PHF6: variants seen among roughly 807,000 people sequenced by gnomAD.
PHF6 encodes the protein PHD-like zinc finger protein.
A neutral mutation model predicts 34.0 loss-of-function variants in PHF6; 7 were observed. The ratio of observed to expected loss-of-function variants is 0.21; its 90% CI spans 0.12 to 0.39. The LOEUF (loss-of-function observed/expected upper bound fraction) is 0.39, where lower values mean the gene tolerates loss of function less well. PHF6 is among the 10% of genes least tolerant of loss of function. The pLI is 1.00. For missense variants in PHF6, 128 were observed against 262.8 expected (o/e 0.49, Z 3.55); for synonymous variants, 89 against 88.4 (o/e 1.01, Z -0.04).
intron 3 of PHF6, among the ~76,000 whole-genome samples, chrX:134,392,852 T>A (rs2077360987): frequency 9.1e-6 from 1 of 109,352 alleles, no homozygotes; most frequent in Non-Finnish European, 1.9e-5. Context: ...CAGGCTGGAG[T>A]GCAGTGGCAC....
chrX:134,422,160 C>G (rs6634983), intron 9 of PHF6, among the ~76,000 whole-genome samples: 13,338 of 110,292 alleles, frequency 0.12, 697 homozygotes, highest in East Asian at 0.21. Flanking sequence ...TGGGCTCAAG[C>G]GATCCACCCG....
chrX:134,388,114 A>G (rs2077339259), intron 3 of PHF6, among the ~76,000 whole-genome samples: 1 of 111,899 alleles, frequency 8.9e-6, no homozygotes, highest in Admixed American at 9.5e-5. Flanking sequence ...AAAAACTAAA[A>G]CAGCAGTTAA....
At chrX:134,390,197 G>A (rs1233759966) in intron 3 of PHF6, among the ~76,000 whole-genome samples, 1 of 111,593 alleles carries the variant, frequency 9.0e-6, no homozygotes, top group Non-Finnish European at 1.9e-5. Flanking sequence ...ATTGTATTTT[G>A]GCTTTATTAT....
At position 134,393,966 on chromosome X, in the gene PHF6, C is replaced by G. The variant is rs759297948; in HGVS notation, c.418+14C>G. On this transcript the variant is annotated intron_variant, in intron 5 of 10. Transcript: ENST00000370803. ...ATAACTCCGAAGGTACATCATTTAG[C>G]CACGTTTCAGCCACTTTTCAGTTTC... 7 of 1,206,194 alleles carry G rather than the reference C, an allele frequency of 5.8e-6. No individual in the cohort carries two copies. The South Asian group carries it at 1.2e-4, about 21-fold the overall frequency.
intron 8 of PHF6, 133 bp downstream of exon 8, chrX:134,415,253 C>T: frequency 9.3e-7 from 1 of 1,073,170 alleles, no homozygotes; most frequent in Non-Finnish European, 1.3e-6. Flanking sequence ...ATATATTTGA[C>T]TTATTTGTAA....
chrX:134,421,616 T>G (rs776385491), intron 9 of PHF6, among the ~76,000 whole-genome samples: 1 of 111,214 alleles, frequency 9.0e-6, no homozygotes, highest in East Asian at 2.8e-4. Flanking sequence ...ATTTTCATTT[T>G]GGAAGAAAAA....
chrX:134,393,473 A>G (rs2077363543), intron 3 of PHF6, 28 bp from the exon 4 acceptor site: 1 of 1,204,138 alleles, frequency 8.3e-7, no homozygotes, highest in African/African-American at 1.7e-5. Flanking sequence ...TCACATACTA[A>G]TAATATTATT....
chrX:134,405,242 G>A (rs769530342), intron 5 of PHF6, among the ~76,000 whole-genome samples: 2 of 111,277 alleles, frequency 1.8e-5, no homozygotes, highest in African/African-American at 3.3e-5. Flanking sequence ...TCATTCTGTC[G>A]CCCAGACTGG....
At chrX:134,412,639 A>G (rs1057243112) in intron 5 of PHF6, among the ~76,000 whole-genome samples, 1 of 111,803 alleles carries the variant, frequency 8.9e-6, no homozygotes, top group African/African-American at 3.2e-5. Flanking sequence ...TTAATACATT[A>G]TCTTATACAG....
intron 5 of PHF6, among the ~76,000 whole-genome samples, chrX:134,405,285 C>T: frequency 9.0e-6 from 1 of 111,296 alleles, no homozygotes; most frequent in Non-Finnish European, 1.9e-5. Context: ...TCACTGCAGC[C>T]TCCACCTCCC....
chrX:134,380,406 T>A (rs751549742), intron 3 of PHF6, among the ~76,000 whole-genome samples: 1 of 111,476 alleles, frequency 9.0e-6, no homozygotes, highest in Non-Finnish European at 1.9e-5. Flanking sequence ...AGTTCTGGGA[T>A]TACAGGTGTG....
intron 5 of PHF6, among the ~76,000 whole-genome samples, chrX:134,402,899 ACAT>A (rs1296343597): frequency 8.9e-6 from 1 of 111,802 alleles, no homozygotes. Context: ...TTGTTTAGGG[ACAT>A]CATGAACCGT....
chrX:134,413,421 C>T (rs1362717255), intron 5 of PHF6, 70 bp from the exon 6 acceptor site: 1 of 1,071,774 alleles, frequency 9.3e-7, no homozygotes, highest in African/African-American at 1.8e-5. Context: ...AAACATATGT[C>T]CTAAAGACCC....
chrX:134,378,198 T>C (rs1192737621), intron 3 of PHF6, 92 bp downstream of exon 3: 5 of 532,750 alleles, frequency 9.4e-6, no homozygotes, highest in Non-Finnish European at 1.5e-5. Context: ...CATTATTAAC[T>C]GAGTATAATT....
intron 9 of PHF6, chrX:134,418,815 A>G (rs1301814598): frequency 9.1e-6 from 1 of 109,703 alleles, no homozygotes. Flanking sequence ...AAAGAAAAAC[A>G]AACAAACTGT....
intron 1 of PHF6, among the ~76,000 whole-genome samples, chrX:134,374,576 C>T (rs1032351150): frequency 5.8e-4 from 65 of 112,257 alleles, no homozygotes; most frequent in African/African-American, 2.1e-3. Flanking sequence ...ATGTTTTAAT[C>T]TTCCGGAACT....
chrX:134,408,750 G>A (rs948493145), intron 5 of PHF6, among the ~76,000 whole-genome samples: 1 of 111,767 alleles, frequency 8.9e-6, no homozygotes, highest in Non-Finnish European at 1.9e-5. Flanking sequence ...TTTCACTCTT[G>A]TCACCAGGTT....
At chrX:134,412,178 C>T (rs1184730613) in intron 5 of PHF6, among the ~76,000 whole-genome samples, 2 of 112,486 alleles carry the variant, frequency 1.8e-5, no homozygotes, top group African/African-American at 3.2e-5. Context: ...TCTGTGTCTT[C>T]ACAGGAAGTT....
At chrX:134,374,478 T>C (rs1168793090) in intron 1 of PHF6, among the ~76,000 whole-genome samples, 2 of 112,690 alleles carry the variant, frequency 1.8e-5, no homozygotes. Flanking sequence ...CTGTCCACTG[T>C]AACTTTCCTG....
Sources: gnomAD v4.1 joint callset for allele counts (sites outside exome capture counted in the v4.1 genomes callset) on GRCh38, gnomAD v4.1.1 for gene constraint, MANE v1.5 for transcripts, NCBI Gene and HGNC (gene_info 2026-07-23, HGNC 2026-07-21) for gene names.